Variants in CPNE4 observed in about 807,000 individuals in gnomAD.
CPNE4 encodes the protein copine-4.
Under a neutral mutation model 67.9 loss-of-function variants are expected in CPNE4, and 25 were observed. The observed-to-expected ratio is 0.37, with a 90% CI of 0.27 to 0.51. CPNE4 has a LOEUF of 0.51. Ranked by LOEUF, CPNE4 falls within the 20% of genes least tolerant of loss-of-function variation. The pLI is 0.93. For missense variants in CPNE4, 464 were observed against 690.8 expected (o/e 0.67, Z 3.68); for synonymous variants, 242 against 244.9 (o/e 0.99, Z 0.11).
intron 2 of CPNE4, among the ~76,000 whole-genome samples, chr3:131,902,842 AC>A (rs2107769404): frequency 6.6e-6 from 1 of 152,272 alleles, no homozygotes; most frequent in South Asian, 2.1e-4. Context: ...AATGAGACTA[AC>A]AAAGTCAATG....
At chr3:131,749,581 G>A (rs2082573772) in intron 2 of CPNE4, among the ~76,000 whole-genome samples, 2 of 151,986 alleles carry the variant, frequency 1.3e-5, no homozygotes, top group Admixed American at 6.6e-5. Flanking sequence ...GTGAATTTGT[G>A]TATTACTTCT....
intron 1 of CPNE4, among the ~76,000 whole-genome samples, chr3:131,910,201 G>A (rs149456136): frequency 7.6e-4 from 116 of 152,238 alleles, no homozygotes; most frequent in African/African-American, 2.2e-3. Context: ...CAAGTGTTAT[G>A]TTGGGTTTCA....
In CPNE4 at chr3:131,644,836, A is replaced by G. The variant is rs921407492; in HGVS notation, c.681+24839T>C. On this transcript the variant is annotated intron_variant, in intron 7 of 15. Coordinates refer to ENST00000429747, the MANE Select transcript of CPNE4 (RefSeq NM_130808.3). ...GGAAGGTGAAGGAAAGCTGGGCACA[A>G]TCTAAAGTCCAAATGGCTTTCCAGT... Among the ~76,000 whole-genome samples, 3 of 152,240 alleles carry G rather than the reference A, an allele frequency of 2.0e-5. No individual in the cohort carries two copies. The East Asian group carries it at 5.8e-4, about 29-fold the overall frequency.
intron 2 of CPNE4, among the ~76,000 whole-genome samples, chr3:131,733,872 T>C (rs1267895724): frequency 6.6e-6 from 1 of 152,200 alleles, no homozygotes; most frequent in Non-Finnish European, 1.5e-5. Context: ...TTAAAAATAG[T>C]GAAGAGGAAC....
intron 2 of CPNE4, among the ~76,000 whole-genome samples, chr3:131,860,284 G>A (rs1050180300): frequency 1.3e-5 from 2 of 152,148 alleles, no homozygotes; most frequent in Admixed American, 1.3e-4. Flanking sequence ...TAAGTGGCAA[G>A]GATAACATTT....
At chr3:131,995,187 C>T (rs2107654083) in intron 1 of CPNE4, among the ~76,000 whole-genome samples, 1 of 152,216 alleles carries the variant, frequency 6.6e-6, no homozygotes, top group Non-Finnish European at 1.5e-5. Flanking sequence ...AGAATTCACA[C>T]ACACAAACAC....
At chr3:131,714,736 G>A (rs927969267) in intron 3 of CPNE4, among the ~76,000 whole-genome samples, 5 of 152,122 alleles carry the variant, frequency 3.3e-5, no homozygotes, top group African/African-American at 1.2e-4. Flanking sequence ...CTGGGGGTGA[G>A]GCCTAGCAAT....
intron 2 of CPNE4, among the ~76,000 whole-genome samples, chr3:131,766,499 C>T (rs1026749321): frequency 6.6e-6 from 1 of 152,056 alleles, no homozygotes. Flanking sequence ...ATACCTGTAT[C>T]ATAGCCAATT....
intron 7 of CPNE4, among the ~76,000 whole-genome samples, chr3:131,635,772 C>G (rs58589344): frequency 0.29 from 43,659 of 151,484 alleles, 9,789 homozygotes; most frequent in African/African-American, 0.63. Context: ...CTCCTGCTTG[C>G]ATAGACAGTG....
At chr3:131,698,486 C>G (rs1227496916) in intron 4 of CPNE4, among the ~76,000 whole-genome samples, 2 of 151,562 alleles carry the variant, frequency 1.3e-5, no homozygotes, top group Non-Finnish European at 2.9e-5. Context: ...CTGAAGATGG[C>G]AGTCAAGAAA....
intron 4 of CPNE4, among the ~76,000 whole-genome samples, chr3:131,697,106 G>A (rs1259152955): frequency 2.0e-5 from 3 of 152,186 alleles, no homozygotes; most frequent in Admixed American, 6.5e-5. Flanking sequence ...CTGAGATGAA[G>A]ATATGGGTAT....
At chr3:131,845,223 T>G (rs999257461) in intron 2 of CPNE4, among the ~76,000 whole-genome samples, 1 of 152,210 alleles carries the variant, frequency 6.6e-6, no homozygotes, top group African/African-American at 2.4e-5. Flanking sequence ...CCCACCATCA[T>G]CAACTTATAT....
At chr3:131,550,344 C>A (rs1178613740) in intron 13 of CPNE4, among the ~76,000 whole-genome samples, 2 of 152,100 alleles carry the variant, frequency 1.3e-5, no homozygotes, top group East Asian at 1.9e-4. Flanking sequence ...TATAAGATTT[C>A]ATTCGCTCCT....
At chr3:131,956,240 C>CT (rs1245615842) in intron 1 of CPNE4, among the ~76,000 whole-genome samples, 1 of 151,714 alleles carries the variant, frequency 6.6e-6, no homozygotes, top group African/African-American at 2.4e-5. Flanking sequence ...GAGTTGATGC[C>CT]TTTTTTTTCT....
At chr3:131,958,768 C>A (rs936369249) in intron 1 of CPNE4, among the ~76,000 whole-genome samples, 1 of 151,484 alleles carries the variant, frequency 6.6e-6, no homozygotes, top group African/African-American at 2.4e-5. Flanking sequence ...AAGCAATTCC[C>A]CTGCCTCAGC....
intron 1 of CPNE4, among the ~76,000 whole-genome samples, chr3:131,977,973 C>T (rs111518007): frequency 0.034 from 4,978 of 144,606 alleles, 285 homozygotes; most frequent in African/African-American, 0.12. Flanking sequence ...AGAATAATAG[C>T]CTTTAATCTC....
At chr3:131,815,827 A>G (rs2084716592) in intron 2 of CPNE4, among the ~76,000 whole-genome samples, 1 of 152,156 alleles carries the variant, frequency 6.6e-6, no homozygotes, top group South Asian at 2.1e-4. Flanking sequence ...ACATCTGGGT[A>G]TCAGCAGAGG....
intron 2 of CPNE4, among the ~76,000 whole-genome samples, chr3:131,828,275 A>G (rs1391621424): frequency 6.6e-6 from 1 of 152,186 alleles, no homozygotes; most frequent in African/African-American, 2.4e-5. Context: ...TCATCTAATC[A>G]ATACTATAAT....
chr3:131,735,588 C>T (rs541490500), intron 2 of CPNE4, among the ~76,000 whole-genome samples: 1 of 152,352 alleles, frequency 6.6e-6, no homozygotes, highest in South Asian at 2.1e-4. Context: ...CTCTCTTTCT[C>T]TGTCATGAAA....
Sources: allele counts gnomAD v4.1 joint callset (sites outside exome capture counted in the v4.1 genomes callset), GRCh38; gene constraint gnomAD v4.1.1; transcripts MANE v1.5; gene names NCBI Gene and HGNC (gene_info 2026-07-23, HGNC 2026-07-21).